The following DBNDD2 variants were observed in gnomAD, a reference collection of about 807,000 sequenced individuals.
DBNDD2 encodes dysbindin domain-containing protein 2.
DBNDD2 carries 8 observed loss-of-function variants against 14.0 expected under a neutral mutation model. The ratio of observed to expected loss-of-function variants is 0.57; its 90% CI spans 0.33 to 1.03. The LOEUF is 1.03. Ranked by LOEUF, DBNDD2 falls within the 50% of genes least tolerant of loss-of-function variation. The pLI is 0.03. For missense variants in DBNDD2, 194 were observed against 206.0 expected (o/e 0.94, Z 0.36); for synonymous variants, 94 against 85.3 (o/e 1.10, Z -0.56).
Position 45,410,282 on chromosome 20 carries a change from C to T in DBNDD2, c.*142C>T. 1 of 928,096 alleles carries T rather than the reference C, an allele frequency of 1.1e-6. No individual in the cohort carries two copies. The highest frequency in any genetic ancestry group is 1.6e-6 in the Non-Finnish European group (1 of 626,822). 57.5% of individuals were successfully genotyped at this position (928,096 alleles called of 1,614,324 possible). A position where few individuals can be genotyped will look rare whatever the true frequency, so the allele number is the denominator to read the frequency against. The stretch of plus-strand genomic sequence containing the variant: ...TGGGAAGGATGGTGGGATTGTGTAC[C>T]TTTCTAAGAATTAACCCTCTCCTGC... On this transcript the variant is annotated 3_prime_UTR_variant, in exon 3 of 3. Coordinates refer to ENST00000372710, the MANE Select transcript of DBNDD2 (RefSeq NM_001048225.4).
At chr20:45,407,521 T>C (rs1989519819), upstream of DBNDD2, 2 of 985,874 alleles carry the variant, frequency 2.0e-6, no homozygotes, top group South Asian at 9.4e-5. Context: ...CGAATGGGAA[T>C]GAATGCACCG....
chr20:45,406,381 G>A (rs1316015895), upstream of DBNDD2: 2 of 1,392,278 alleles, frequency 1.4e-6, no homozygotes, highest in South Asian at 2.7e-5. Flanking sequence ...ATCCGAGCGA[G>A]CGGAGACTAG....
rs369888876 is a variant in DBNDD2 at position 45,408,928 on chromosome 20, C to G, written c.267C>G (p.Pro89=). ...FLPCEDPPPT[P]QSSGMDNHLE... ...CTTGCGAAGATCCTCCACCAACCCC[C>G]CAGTCGTCTGGTATGCCCCTCTGCT... The change falls in exon 2 of 3, where the codon CCC becomes CCG. Residue 89 remains proline (P), a synonymous_variant. Transcript: ENST00000372710. The G allele has an allele frequency of 1.9e-6, 3 of 1,614,098 alleles. No homozygotes were observed. Among genetic ancestry groups the G allele is most frequent in the Non-Finnish European group, 1.7e-6 (2 of 1,180,054 alleles).
chr20:45,408,109 C>A, upstream of DBNDD2: 4 of 1,490,940 alleles, frequency 2.7e-6, no homozygotes, highest in South Asian at 5.3e-5. Flanking sequence ...GAAAACGTAC[C>A]TCCTCCATTT....
upstream of DBNDD2, chr20:45,406,809 TG>T: frequency 4.1e-6 from 5 of 1,227,536 alleles, no homozygotes; most frequent in Non-Finnish European, 5.1e-6. Context: ...GGAACGGCCT[TG>T]GGGGAGCGCC....
chr20:45,407,761 G>A, upstream of DBNDD2: 1 of 1,012,226 alleles, frequency 9.9e-7, no homozygotes. Context: ...TCACAAGCAG[G>A]GTCTTGTATT....
Position 45,410,215 on chromosome 20 carries a change from C to A in DBNDD2, c.*75C>A. 1 of 1,475,020 alleles carries A rather than the reference C, an allele frequency of 6.8e-7. No homozygotes were observed. Among genetic ancestry groups the A allele is most frequent in the South Asian group, 1.2e-5 (1 of 80,718 alleles). 91.4% of individuals were successfully genotyped at this position (1,475,020 alleles called of 1,614,324 possible). On this transcript the variant is annotated 3_prime_UTR_variant, in exon 3 of 3. Transcript: ENST00000372710. ...GACCACAGGCCCAGCCAGAGCCTGTCGGGAGAAGACCAGACTCTTTACTTG... is the reference window on the plus strand; with the variant it reads ...GACCACAGGCCCAGCCAGAGCCTGTAGGGAGAAGACCAGACTCTTTACTTG...
intron 2 of DBNDD2, 40 bp from the exon 3 acceptor site, chr20:45,409,892 A>T: frequency 6.5e-7 from 1 of 1,546,398 alleles, no homozygotes; most frequent in Non-Finnish European, 8.8e-7. Context: ...AGTTCTCTGA[A>T]GCCCTGTTTG....
intron 2 of DBNDD2, among the ~76,000 whole-genome samples, chr20:45,409,672 A>G (rs548674860): frequency 1.6e-4 from 25 of 152,338 alleles, no homozygotes; most frequent in African/African-American, 5.8e-4. Context: ...AAAGCCACTC[A>G]GCAGCAATAA....
chr20:45,406,602 C>T (rs1238331245), upstream of DBNDD2: 3 of 1,439,028 alleles, frequency 2.1e-6, no homozygotes, highest in Non-Finnish European at 1.8e-6. Flanking sequence ...TTCCCGGCTC[C>T]CAGGGCCCGT....
chr20:45,410,535 A>G lies in DBNDD2; in HGVS notation c.*395A>G, dbSNP rs904357943. 1 of 206,596 alleles carries G rather than the reference A, an allele frequency of 4.8e-6. No homozygotes were observed. Among genetic ancestry groups the G allele is most frequent in the Non-Finnish European group, 1.0e-5 (1 of 100,264 alleles). 12.8% of individuals were successfully genotyped at this position (206,596 alleles called of 1,614,324 possible). A position where few individuals can be genotyped will look rare whatever the true frequency, so the allele number is the denominator to read the frequency against. ...AACTCATCAAGTAAGGTGGTACTCA[A>G]GCCATGCTGCCTCCTTACATCCTTT... is the stretch of plus-strand genomic sequence containing the variant. On this transcript the variant is annotated 3_prime_UTR_variant, in exon 3 of 3. Transcript: ENST00000372710.
Position 45,410,109 on chromosome 20 carries a change from A to G in DBNDD2, c.455A>G (p.Asp152Gly), listed in dbSNP as rs199981378. ...TCGGATGAAGAGGAGGAAAGGGGTG[A>G]TGGAGGGGCAGAGCCTGGAGCCTGC... ...AQSDEEEERG[D>G]GGAEPGACS The change falls in exon 3 of 3, where the codon GAT (aspartate) becomes GGT (glycine). Residue 152 changes from aspartate (D) to glycine (G), a missense_variant. Asp to Gly is a moderately conservative substitution (Grantham distance 94, BLOSUM62 -1). Coordinates refer to ENST00000372710, the MANE Select transcript of DBNDD2 (RefSeq NM_001048225.4). 160 of 1,552,484 alleles carry G rather than the reference A, an allele frequency of 1.0e-4. 2 individuals carry two copies. The East Asian group carries it at 1.8e-3, about 17-fold the overall frequency.
intron 2 of DBNDD2, 54 bp from the exon 3 acceptor site, chr20:45,409,878 T>G: frequency 6.5e-7 from 1 of 1,536,762 alleles, no homozygotes; most frequent in Non-Finnish European, 8.8e-7. Flanking sequence ...AGATAATCTT[T>G]AAGAGTTCTC....
At chr20:45,406,174 C>G (rs928369562), upstream of DBNDD2, 3 of 432,874 alleles carry the variant, frequency 6.9e-6, no homozygotes, top group African/African-American at 6.3e-5. Context: ...CCAACTCTCT[C>G]TTTCCCATCG....
Position 45,408,589 on chromosome 20 carries a change from A to T in DBNDD2, c.122A>T (p.His41Leu), listed in dbSNP as rs773716887. ...TTTGTCTTTCCTCTGTCCCATCTGC[A>T]TCTCGAGTCGCAGAGACGTAAGTCC... ...TEFVFPLSHL[H>L]LESQRPPIGS... Residue 41 changes from histidine (H) to leucine (L), a missense_variant, in exon 1 of 3, where the codon CAT (histidine) becomes CTT (leucine). Coordinates refer to ENST00000372710, the MANE Select transcript of DBNDD2 (RefSeq NM_001048225.4). 6.2e-7 allele frequency: 1 copy of T among 1,613,438 alleles called. No individual in the cohort carries two copies. Among genetic ancestry groups the T allele is most frequent in the Non-Finnish European group, 8.5e-7 (1 of 1,179,382 alleles).
chr20:45,408,092 T>G (rs900206589), upstream of DBNDD2: 1 of 1,479,086 alleles, frequency 6.8e-7, no homozygotes, highest in Admixed American at 2.4e-5. Flanking sequence ...GCGGGGCCAA[T>G]TAAGGGGAAA....
In DBNDD2 at chr20:45,409,999, C is replaced by A; in HGVS notation, c.345C>A (p.Thr115=). 1 of 1,502,550 alleles carries A rather than the reference C, an allele frequency of 6.7e-7. No homozygotes were observed. Among genetic ancestry groups the A allele is most frequent in the Non-Finnish European group, 9.0e-7 (1 of 1,112,788 alleles). 93.1% of individuals were successfully genotyped at this position (1,502,550 alleles called of 1,614,324 possible). A position where few individuals can be genotyped will look rare whatever the true frequency, so the allele number is the denominator to read the frequency against. ...CATCAGACAGGACCACATCTAGGAC[C>A]TCCTCCTCCTCCTCCTCCGACTCCT... is the stretch of plus-strand genomic sequence containing the variant. ...VPTSDRTTSR[T]SSSSSSDSST... The change falls in exon 3 of 3, where the codon ACC becomes ACA. Residue 115 remains threonine (T), a synonymous_variant. Coordinates refer to ENST00000372710, the MANE Select transcript of DBNDD2 (RefSeq NM_001048225.4).
rs1568939562 is a variant in DBNDD2 at position 45,410,185 on chromosome 20, C to A, written c.*45C>A. ...GACTGACCACGCTGGCTATTCTCCA[C>A]ATGAGACCACAGGCCCAGCCAGAGC... On this transcript the variant is annotated 3_prime_UTR_variant, in exon 3 of 3. Transcript: ENST00000372710. 3.2e-6 allele frequency: 5 copies of A among 1,546,758 alleles called. No homozygotes were observed. The highest frequency in any genetic ancestry group is 3.5e-6 in the Non-Finnish European group (4 of 1,143,770).
At chr20:45,407,171 T>G, upstream of DBNDD2, 1 of 369,770 alleles carries the variant, frequency 2.7e-6, no homozygotes, top group Non-Finnish European at 3.7e-6. Flanking sequence ...CCCTCCTCGC[T>G]GCTGGAGCAC....
Sources: allele counts gnomAD v4.1 joint callset (sites outside exome capture counted in the v4.1 genomes callset), GRCh38; gene constraint gnomAD v4.1.1; transcripts MANE v1.5; gene names NCBI Gene and HGNC (gene_info 2026-07-23, HGNC 2026-07-21).